Variants in DGKI observed in about 807,000 individuals in gnomAD.
DGKI encodes the protein diacylglycerol kinase iota.
DGKI carries 55 observed loss-of-function variants against 147.5 expected under a neutral mutation model. The ratio of observed to expected loss-of-function variants is 0.37; its 90% CI spans 0.30 to 0.47. DGKI has a LOEUF of 0.47. Among genes scored for constraint, DGKI ranks in the 20% least tolerant of loss-of-function variants. DGKI has a pLI of 1.00. For synonymous variants in DGKI, 469 were observed against 477.1 expected, an observed-to-expected ratio of 0.98 and a Z score of 0.22; for missense variants, 1,007 against 1,323.8, an observed-to-expected ratio of 0.76 and a Z score of 3.71.
At chr7:137,414,709 A>G (rs1563004105) in intron 28 of DGKI, among the ~76,000 whole-genome samples, 1 of 152,144 alleles carries the variant, frequency 6.6e-6, no homozygotes, top group South Asian at 2.1e-4. Context: ...TTCATCATGC[A>G]CAGAACTCTA....
rs368109487 is a variant in DGKI at position 137,689,973 on chromosome 7, T to C, written c.431A>G (p.His144Arg). ...RKAISRAGLQ[H>R]LAPAHPLSLP... ...GCTGAGGGGATGTGCAGGAGCCAGA[T>C]GCTGGAGGCCTGCCCGGGAGATTGC... Residue 144 changes from histidine (H) to arginine (R), a missense_variant, in exon 2 of 33, where the codon CAT becomes CGT. His to Arg is a conservative substitution (Grantham distance 29). This residue lies in a region of DGKI where 259 missense variants were observed against 362.5 expected (regional missense o/e 0.71). Coordinates refer to ENST00000614521, the MANE Select transcript of DGKI (RefSeq NM_001321708.2). 2.2e-5 allele frequency: 36 copies of C among 1,608,872 alleles called. No individual in the cohort carries two copies. The highest frequency in any genetic ancestry group is 2.7e-5 in the Non-Finnish European group (32 of 1,177,940).
At chr7:137,835,908 C>A (rs1798366102) in intron 1 of DGKI, among the ~76,000 whole-genome samples, 1 of 152,216 alleles carries the variant, frequency 6.6e-6, no homozygotes, top group African/African-American at 2.4e-5. Flanking sequence ...TCCCTTATGG[C>A]ACATGGCCTT....
chr7:137,422,160 G>C (rs192891017), intron 28 of DGKI, among the ~76,000 whole-genome samples: 2 of 152,134 alleles, frequency 1.3e-5, no homozygotes, highest in African/African-American at 4.8e-5. Context: ...AGCAAACTTC[G>C]TGGGTGAATT....
intron 27 of DGKI, among the ~76,000 whole-genome samples, chr7:137,450,517 G>A (rs541387440): frequency 2.6e-5 from 4 of 152,090 alleles, no homozygotes; most frequent in Non-Finnish European, 5.9e-5. Flanking sequence ...TCAGGAGTTT[G>A]ACACCAGCCT....
chr7:137,653,809 C>G (rs1178182714), intron 5 of DGKI, among the ~76,000 whole-genome samples: 1 of 152,152 alleles, frequency 6.6e-6, no homozygotes, highest in East Asian at 1.9e-4. Context: ...ATCATTTTTA[C>G]CAGACTTTGT....
At chr7:137,497,423 A>T (rs1289249883) in intron 21 of DGKI, among the ~76,000 whole-genome samples, 1 of 152,154 alleles carries the variant, frequency 6.6e-6, no homozygotes, top group Admixed American at 6.5e-5. Context: ...CACTTGACCC[A>T]GCAATCTCAC....
chr7:137,542,668 C>G (rs992494734), intron 20 of DGKI, among the ~76,000 whole-genome samples: 3 of 152,108 alleles, frequency 2.0e-5, no homozygotes, highest in African/African-American at 7.2e-5. Context: ...TGATCTATAT[C>G]CTGACTATGG....
At chr7:137,410,925 T>C (rs2128900595) in intron 29 of DGKI, among the ~76,000 whole-genome samples, 1 of 152,366 alleles carries the variant, frequency 6.6e-6, no homozygotes. Flanking sequence ...ATTGACACTA[T>C]GATCTGGGCA....
At chr7:137,763,158 T>C (rs1795911455) in intron 1 of DGKI, among the ~76,000 whole-genome samples, 3 of 152,248 alleles carry the variant, frequency 2.0e-5, no homozygotes, top group Admixed American at 2.0e-4. Flanking sequence ...TGCAAAGGAC[T>C]GGACACTTTT....
In DGKI at chr7:137,582,149, A is replaced by G. The variant is rs151106843; in HGVS notation, c.1564-221T>C. On this transcript the variant is annotated intron_variant, in intron 14 of 32. Transcript: ENST00000614521. ...AATTTTCTCAAGAATTATAAATAGTATAAGAAATGTGTCACAAATACAAAT... is the reference window on the plus strand; with the variant it reads ...AATTTTCTCAAGAATTATAAATAGTGTAAGAAATGTGTCACAAATACAAAT... Among the ~76,000 whole-genome samples, 402 of 152,330 alleles carry G rather than the reference A, an allele frequency of 2.6e-3. 3 individuals carry two copies. The highest frequency in any genetic ancestry group is 4.6e-3 in the Non-Finnish European group (311 of 68,014).
chr7:137,409,312 T>C (rs1812076925), intron 29 of DGKI, among the ~76,000 whole-genome samples: 1 of 152,230 alleles, frequency 6.6e-6, no homozygotes. Flanking sequence ...AGAATTGTCA[T>C]GTGCTAGATG....
At chr7:137,712,020 T>C (rs1025891843) in intron 1 of DGKI, among the ~76,000 whole-genome samples, 6 of 152,086 alleles carry the variant, frequency 3.9e-5, no homozygotes, top group Non-Finnish European at 8.8e-5. Flanking sequence ...AGGATTGCTT[T>C]TGAGTTAAAT....
Position 137,643,346 on chromosome 7 carries a change from A to C in DGKI, c.804+2126T>G, listed in dbSNP as rs577222205. Among the ~76,000 whole-genome samples the C allele has an allele frequency of 4.0e-5, 6 of 151,196 alleles. No individual in the cohort carries two copies. The South Asian group carries it at 1.3e-3, about 32-fold the overall frequency. ...ATGAATATGAATAAGAAGGTACAAC[A>C]CTACTGATGAAAATTATGTATAGCA... On this transcript the variant is annotated intron_variant, in intron 6 of 32. Transcript: ENST00000614521.
At chr7:137,576,715 T>C (rs1818992114) in intron 17 of DGKI, among the ~76,000 whole-genome samples, 1 of 151,680 alleles carries the variant, frequency 6.6e-6, no homozygotes, top group African/African-American at 2.4e-5. Flanking sequence ...GGTGGGAGAG[T>C]GAGTCACCAC....
At chr7:137,785,419 C>T (rs1268823993) in intron 1 of DGKI, among the ~76,000 whole-genome samples, 2 of 151,762 alleles carry the variant, frequency 1.3e-5, no homozygotes, top group Non-Finnish European at 2.9e-5. Flanking sequence ...CTAGATTAAA[C>T]CAGGAAGATA....
rs149574522 is a variant in DGKI, at chr7:137,489,601, A to G, written c.2249-1912T>C. Among the ~76,000 whole-genome samples the G allele has an allele frequency of 2.8e-3, 433 of 152,260 alleles. 3 individuals carry two copies. The highest frequency in any genetic ancestry group is 0.01 in the African/African-American group (423 of 41,566). ...AAATAAGTTGATCCACCAAGATAAGAGCAGAATAGAATTTCTAATATTTGA... is the reference window on the plus strand; with the variant it reads ...AAATAAGTTGATCCACCAAGATAAGGGCAGAATAGAATTTCTAATATTTGA... On this transcript the variant is annotated intron_variant, in intron 21 of 32. Transcript: ENST00000614521.
At chr7:137,811,826 C>T (rs750687351) in intron 1 of DGKI, among the ~76,000 whole-genome samples, 8 of 152,046 alleles carry the variant, frequency 5.3e-5, no homozygotes, top group Admixed American at 2.0e-4. Flanking sequence ...TCTAATTGCC[C>T]CAGCCTAGGT....
intron 19 of DGKI, among the ~76,000 whole-genome samples, chr7:137,568,085 T>G (rs1240238784): frequency 1.3e-5 from 2 of 152,300 alleles, no homozygotes; most frequent in East Asian, 3.9e-4. Context: ...TAAAAAAATT[T>G]TACTAACTCC....
In DGKI at chr7:137,541,264, C is replaced by T. The variant is rs147705805; in HGVS notation, c.2147+11105G>A. On this transcript the variant is annotated intron_variant, in intron 20 of 32. Transcript: ENST00000614521. Reference sequence around the variant, plus strand: ...GTGTGCGTATACGTGTGTGCATGTGCGTGTGTGTGTATAATCAGTTCTCCA... The same window carrying T: ...GTGTGCGTATACGTGTGTGCATGTGTGTGTGTGTGTATAATCAGTTCTCCA... 2.6e-3 allele frequency among the ~76,000 whole-genome samples: 398 copies of T among 152,186 alleles called. 1 individual carries two copies. Among genetic ancestry groups the T allele is most frequent in the Non-Finnish European group, 3.9e-3 (268 of 68,002 alleles).
Sources: allele counts gnomAD v4.1 joint callset (sites outside exome capture counted in the v4.1 genomes callset), GRCh38; gene constraint gnomAD v4.1.1; regional missense constraint gnomAD v4.1.1; transcripts MANE v1.5; gene names NCBI Gene and HGNC (gene_info 2026-07-23, HGNC 2026-07-21).